CAMSAP1: variants seen among roughly 807,000 people sequenced by gnomAD.
CAMSAP1 encodes calmodulin-regulated spectrin-associated protein 1.
A neutral mutation model predicts 143.5 loss-of-function variants in CAMSAP1; 58 were observed. The observed-to-expected ratio is 0.40, with a 90% CI of 0.33 to 0.50. The LOEUF (loss-of-function observed/expected upper bound fraction) is 0.50. Ranked by LOEUF, CAMSAP1 falls within the 20% of genes least tolerant of loss-of-function variation. CAMSAP1 has a pLI of 0.45. For synonymous variants in CAMSAP1, 945 were observed against 859.3 expected, an observed-to-expected ratio of 1.10 and a Z score of -1.74; for missense variants, 1,969 against 2,115.7, an observed-to-expected ratio of 0.93 and a Z score of 1.36.
intron 5 of CAMSAP1, among the ~76,000 whole-genome samples, chr9:135,856,650 C>T (rs1354567547): frequency 2.0e-5 from 3 of 152,202 alleles, no homozygotes; most frequent in African/African-American, 7.2e-5. Flanking sequence ...TCCCCAGTGG[C>T]CACACAGCAG....
Position 135,907,176 on chromosome 9 carries a change from G to C in CAMSAP1, c.-17C>G. The C allele has an allele frequency of 9.3e-7, 1 of 1,079,224 alleles. No homozygotes were observed. The highest frequency in any genetic ancestry group is 1.1e-6 in the Non-Finnish European group (1 of 889,912). 66.9% of individuals were successfully genotyped at this position (1,079,224 alleles called of 1,614,324 possible). ...GTCCACCATCTGCAGACAAAGGGCT[G>C]AGGCGGCGGCCCGGCCGCAACAAAG... On this transcript the variant is annotated 5_prime_UTR_variant, in exon 1 of 17. Transcript: ENST00000389532.
Position 135,823,001 on chromosome 9 carries a change from G to T in CAMSAP1, c.1660C>A (p.Gln554Lys). The change falls in exon 11 of 17, where the codon CAG becomes AAG. Residue 554 changes from glutamine to lysine, a missense_variant. Transcript: ENST00000389532. ...AIVRADVVPQ[Q>K]ADPEFPRASP... ...GCCCTGGGGAACTCCGGGTCAGCCT[G>T]CTGGGGAACCACGTCTGCTCTAACA... 6.2e-7 allele frequency: 1 copy of T among 1,614,032 alleles called. No homozygotes were observed. Among genetic ancestry groups the T allele is most frequent in the Non-Finnish European group, 8.5e-7 (1 of 1,179,892 alleles).
At chr9:135,897,768 C>A (rs2131021256) in intron 1 of CAMSAP1, among the ~76,000 whole-genome samples, 1 of 152,284 alleles carries the variant, frequency 6.6e-6, no homozygotes, top group East Asian at 1.9e-4. Flanking sequence ...TGGCGTAAGA[C>A]TTCATCATGC....
intron 1 of CAMSAP1, among the ~76,000 whole-genome samples, chr9:135,904,261 C>T (rs1311884371): frequency 1.3e-5 from 2 of 151,956 alleles, no homozygotes; most frequent in East Asian, 1.9e-4. Context: ...GTTAGCCAGG[C>T]GTGGTGGTGC....
Position 135,881,693 on chromosome 9 carries a change from G to C in CAMSAP1, c.525C>G (p.Phe175Leu). Reference sequence around the variant, plus strand: ...CGTACGGAAGTTCTTTCGAGGCACTGAACGTTGAGAAGCGCTTGACACTGG... The same window carrying C: ...CGTACGGAAGTTCTTTCGAGGCACTCAACGTTGAGAAGCGCTTGACACTGG... ...VVASVKRFST[F>L]SASKELPYDL... Residue 175 changes from phenylalanine (F) to leucine (L), a missense_variant, in exon 3 of 17, where the codon TTC (phenylalanine) becomes TTG (leucine). Transcript: ENST00000389532. 6.4e-7 allele frequency: 1 copy of C among 1,551,772 alleles called. No individual in the cohort carries two copies. The highest frequency in any genetic ancestry group is 8.7e-7 in the Non-Finnish European group (1 of 1,147,008).
chr9:135,827,459 G>A lies in CAMSAP1; in HGVS notation c.1171C>T (p.Pro391Ser). 6.2e-7 allele frequency: 1 copy of A among 1,603,166 alleles called. No individual in the cohort carries two copies. Among genetic ancestry groups the A allele is most frequent in the Non-Finnish European group, 8.5e-7 (1 of 1,171,994 alleles). ...TAGTGCCTGTGACAGCCTTCCGCCG[G>A]CAGCTGCACGGGGGGCTGCAGCTCA... ...LAELQPPVQL[P>S]AEGCHRHYLH... is the part of the protein sequence containing the mutation. The change falls in exon 8 of 17, where the codon CCG becomes TCG. Residue 391 changes from proline (P) to serine (S), a missense_variant. Pro to Ser is a moderately conservative substitution (Grantham distance 74). Transcript: ENST00000389532.
At chr9:135,839,816 T>C (rs1217996133) in intron 7 of CAMSAP1, among the ~76,000 whole-genome samples, 2 of 151,730 alleles carry the variant, frequency 1.3e-5, no homozygotes, top group African/African-American at 2.4e-5. Flanking sequence ...CGAGCCCCTC[T>C]CTACAGCCAC....
chr9:135,904,911 G>C (rs1016441580), intron 1 of CAMSAP1, among the ~76,000 whole-genome samples: 3 of 151,962 alleles, frequency 2.0e-5, no homozygotes, highest in Admixed American at 1.3e-4. Context: ...GTTGCGGTGA[G>C]CTGAGGTCGC....
At chr9:135,872,376 T>C (rs1370151007) in intron 3 of CAMSAP1, among the ~76,000 whole-genome samples, 2 of 151,922 alleles carry the variant, frequency 1.3e-5, no homozygotes, top group East Asian at 1.9e-4. Flanking sequence ...GGTCTAAAGA[T>C]GCACACAGGA....
chr9:135,822,490 T>C lies in CAMSAP1; in HGVS notation c.2171A>G (p.Asn724Ser), dbSNP rs753169936. 6.2e-6 allele frequency: 10 copies of C among 1,613,648 alleles called. No homozygotes were observed. The highest frequency in any genetic ancestry group is 5.3e-5 in the African/African-American group (4 of 74,864). ...AGTCCACGGCTCTGAATCGTGGGAG[T>C]TGGGGCTTTTTGAACAACTAACATA... ...RLYVSCSKSPNSHDSEPWTLL... is the reference protein window; with the variant it reads ...RLYVSCSKSPSSHDSEPWTLL... Residue 724 changes from asparagine (N) to serine (S), a missense_variant, in exon 11 of 17, where the codon AAC becomes AGC. Transcript: ENST00000389532. The surrounding 1 kb of genome is among the most constrained non-coding windows in gnomAD (Gnocchi z 6.1).
chr9:135,821,308 G>C lies in CAMSAP1; in HGVS notation c.3353C>G (p.Ser1118Cys). The C allele has an allele frequency of 6.2e-7, 1 of 1,612,754 alleles. No individual in the cohort carries two copies. The highest frequency in any genetic ancestry group is 8.5e-7 in the Non-Finnish European group (1 of 1,179,870). The change falls in exon 11 of 17, where the codon TCC becomes TGC. Residue 1118 changes from serine to cysteine, a missense_variant. Ser to Cys is a moderately radical substitution (Grantham distance 112). This residue lies in a region of CAMSAP1 where 1,390 missense variants were observed against 1,420.8 expected (regional missense o/e 0.98). Transcript: ENST00000389532. This position sits in a 1 kb window ranked among gnomAD's most constrained non-coding sequence, Gnocchi z 4.6. ...KVPKDRPQGSSRSKTPTPSVE... is the reference protein window; with the variant it reads ...KVPKDRPQGSCRSKTPTPSVE... Reference sequence around the variant, plus strand: ...ACTGGGCGTTGGGGTTTTACTTCGGGAGGAGCCCTGTGGCCTGTCTTTTGG... The same window carrying C: ...ACTGGGCGTTGGGGTTTTACTTCGGCAGGAGCCCTGTGGCCTGTCTTTTGG...
intron 3 of CAMSAP1, among the ~76,000 whole-genome samples, chr9:135,872,958 G>T (rs990387328): frequency 6.6e-6 from 1 of 152,168 alleles, no homozygotes; most frequent in Non-Finnish European, 1.5e-5. Context: ...ACAGGAAAAC[G>T]GTAAAGGAGA....
rs1398092085 is a variant in CAMSAP1 at position 135,820,479 on chromosome 9, A to G, written c.3822+360T>C. 1.3e-5 allele frequency among the ~76,000 whole-genome samples: 2 copies of G among 152,168 alleles called. No individual in the cohort carries two copies. The highest frequency in any genetic ancestry group is 6.5e-5 in the Admixed American group (1 of 15,284). On this transcript the variant is annotated intron_variant, in intron 11 of 16. Coordinates refer to ENST00000389532, the MANE Select transcript of CAMSAP1 (RefSeq NM_015447.4). The surrounding 1 kb of genome is among the most constrained non-coding windows in gnomAD (Gnocchi z 4.4). ...GGCCTGGCCACCTCCAGAGCATTCTAACGACGAACGCTTTTTACGCTTTGG... is the reference window on the plus strand; with the variant it reads ...GGCCTGGCCACCTCCAGAGCATTCTGACGACGAACGCTTTTTACGCTTTGG...
intron 14 of CAMSAP1, among the ~76,000 whole-genome samples, chr9:135,817,325 TACAC>T (rs1835264547): frequency 6.6e-6 from 1 of 152,168 alleles, no homozygotes; most frequent in African/African-American, 2.4e-5. Context: ...TTCTAGGAAA[TACAC>T]ACTTAAGTAT....
At chr9:135,876,819 G>A (rs1646583704) in intron 3 of CAMSAP1, among the ~76,000 whole-genome samples, 2 of 152,026 alleles carry the variant, frequency 1.3e-5, no homozygotes, top group African/African-American at 4.8e-5. Context: ...GACTAGCCTG[G>A]CCAACATGAT....
At chr9:135,880,723 C>A (rs1439517818) in intron 3 of CAMSAP1, among the ~76,000 whole-genome samples, 3 of 152,182 alleles carry the variant, frequency 2.0e-5, no homozygotes, top group Admixed American at 2.0e-4. Context: ...CTTATTCAGG[C>A]GCGCTAATAC....
At chr9:135,838,544 ACAT>A (rs1375494574) in intron 7 of CAMSAP1, among the ~76,000 whole-genome samples, 2 of 147,024 alleles carry the variant, frequency 1.4e-5, no homozygotes, top group African/African-American at 2.6e-5. Context: ...CTACAGACAC[ACAT>A]CATCATGCAC....
At chr9:135,905,500 C>T (rs1838750711) in intron 1 of CAMSAP1, among the ~76,000 whole-genome samples, 1 of 152,206 alleles carries the variant, frequency 6.6e-6, no homozygotes, top group Non-Finnish European at 1.5e-5. Context: ...CCCAAGAATG[C>T]ACTGGGCTCC....
rs139958824 is a variant in CAMSAP1, at chr9:135,822,164, T to C, written c.2497A>G (p.Ser833Gly). 3 of 1,613,766 alleles carry C rather than the reference T, an allele frequency of 1.9e-6. No homozygotes were observed. The highest frequency in any genetic ancestry group is 2.5e-6 in the Non-Finnish European group (3 of 1,179,902). Residue 833 changes from serine (S) to glycine (G), a missense_variant, in exon 11 of 17, where the codon AGC (serine) becomes GGC (glycine). By Grantham distance (56) the Ser-to-Gly change is moderately conservative. Around this residue, in one of 4 missense-constraint regions of CAMSAP1, gnomAD observed 1,390 missense variants for 1,420.8 expected, o/e 0.98. Transcript: ENST00000389532. The surrounding 1 kb of genome is among the most constrained non-coding windows in gnomAD (Gnocchi z 6.1). The stretch of plus-strand genomic sequence containing the variant: ...GTGGTCTTCTGGGAGCTGCTGGTGC[T>C]GGACTTGGTCTCACAGCTGTTGAGT... Reference protein sequence around the residue: ...QRLNSCETKSSTSSSQKTTPD... With the variant: ...QRLNSCETKSGTSSSQKTTPD...
Sources: gnomAD v4.1 joint callset for allele counts (sites outside exome capture counted in the v4.1 genomes callset) on GRCh38, gnomAD v4.1.1 for gene constraint, gnomAD v4.1.1 regional missense constraint, Gnocchi (gnomAD v3.1) non-coding constraint, MANE v1.5 for transcripts, NCBI Gene and HGNC (gene_info 2026-07-23, HGNC 2026-07-21) for gene names.